Variants in PHF20L1 observed in about 807,000 individuals in gnomAD.
PHF20L1 encodes PHD finger protein 20-like protein 1.
PHF20L1 carries 44 observed loss-of-function variants against 125.5 expected under a neutral mutation model. The observed-to-expected ratio is 0.35, with a 90% CI of 0.28 to 0.45. The LOEUF (loss-of-function observed/expected upper bound fraction) is 0.45. Among genes scored for constraint, PHF20L1 ranks in the 20% least tolerant of loss-of-function variants. PHF20L1 has a pLI of 1.00. For synonymous variants in PHF20L1, 380 were observed against 403.1 expected (o/e 0.94, Z 0.69); for missense variants, 1,012 against 1,217.2 (o/e 0.83, Z 2.51).
chr8:132,812,152 T>A (rs1834465667), intron 9 of PHF20L1: 2 of 980,358 alleles, frequency 2.0e-6, no homozygotes, highest in Non-Finnish European at 2.4e-6. Context: ...GTCTTTGCCG[T>A]TATTGTCAAT....
rs1307753993 is a variant in PHF20L1 at position 132,839,574 on chromosome 8, A to G, written c.2379A>G (p.Gly793=). Residue 793 remains glycine (G), a synonymous_variant, in exon 18 of 21, where the codon GGA becomes GGG. Coordinates refer to ENST00000395386, the MANE Select transcript of PHF20L1 (RefSeq NM_016018.5). ...EVLHGLQLKI[G]ILKNKHHPDL... ...TACACGGGCTACAGCTGAAGATTGG[A>G]ATACTAAAGTAAGTGAAGGGCAGCA... 6.2e-7 allele frequency: 1 copy of G among 1,611,436 alleles called. No individual in the cohort carries two copies. Among genetic ancestry groups the G allele is most frequent in the East Asian group, 2.2e-5 (1 of 44,844 alleles).
At chr8:132,797,139 G>A (rs1439564242) in intron 4 of PHF20L1, among the ~76,000 whole-genome samples, 1 of 151,962 alleles carries the variant, frequency 6.6e-6, no homozygotes, top group Non-Finnish European at 1.5e-5. Context: ...TGAACACATA[G>A]TGAAATATTG....
At chr8:132,844,950 A>C (rs1203568449) in intron 20 of PHF20L1, among the ~76,000 whole-genome samples, 1 of 151,768 alleles carries the variant, frequency 6.6e-6, no homozygotes, top group East Asian at 1.9e-4. Context: ...CCCCAACTTT[A>C]CTTTTTTTAA....
At chr8:132,778,104 T>G (rs543812906) in intron 2 of PHF20L1, among the ~76,000 whole-genome samples, 193 bp downstream of exon 2, 2 of 152,322 alleles carry the variant, frequency 1.3e-5, no homozygotes, top group East Asian at 1.9e-4. Flanking sequence ...CTATTTTTAG[T>G]CAACTGACTA....
At chr8:132,775,830 G>A (rs547431483) in intron 1 of PHF20L1, among the ~76,000 whole-genome samples, 185 bp downstream of exon 1, 4 of 152,062 alleles carry the variant, frequency 2.6e-5, no homozygotes, top group Non-Finnish European at 4.4e-5. Context: ...CCCCTGCGGA[G>A]GGCCGGATGG....
At chr8:132,822,827 A>C (rs1001655974) in intron 12 of PHF20L1, among the ~76,000 whole-genome samples, 4 of 151,918 alleles carry the variant, frequency 2.6e-5, no homozygotes, top group Non-Finnish European at 5.9e-5. Context: ...AAATATTTGA[A>C]GTAAGATGAA....
In PHF20L1 at chr8:132,842,501, A is replaced by C; in HGVS notation, c.2388-14A>C. 1.3e-6 allele frequency: 2 copies of C among 1,552,572 alleles called. No individual in the cohort carries two copies. The highest frequency in any genetic ancestry group is 1.7e-6 in the Non-Finnish European group (2 of 1,156,480). On this transcript the variant is annotated splice_polypyrimidine_tract_variant and intron_variant, in intron 18 of 20. Coordinates refer to ENST00000395386, the MANE Select transcript of PHF20L1 (RefSeq NM_016018.5). The stretch of plus-strand genomic sequence containing the variant: ...TTTTTTTCTGAACTGCTGTTTTTCC[A>C]ACTTTGTTTTAAGGAATAAACATCA...
In PHF20L1 at chr8:132,801,229, C is replaced by A. The variant is rs16904739; in HGVS notation, c.507+2057C>A. On this transcript the variant is annotated intron_variant, in intron 6 of 20. Coordinates refer to ENST00000395386, the MANE Select transcript of PHF20L1 (RefSeq NM_016018.5). ...TGCTGATACAAAATATACGTTGTGA[C>A]TCACTAGTGTTAATGGTTGGCTTAT... 8.9e-3 allele frequency among the ~76,000 whole-genome samples: 1,354 copies of A among 151,752 alleles called. 40 individuals are homozygous for A. Among genetic ancestry groups the A allele is most frequent in the East Asian group, 0.087 (449 of 5,160 alleles).
intron 14 of PHF20L1, among the ~76,000 whole-genome samples, chr8:132,827,303 C>A (rs1836289411): frequency 1.3e-5 from 2 of 151,982 alleles, no homozygotes; most frequent in Admixed American, 1.3e-4. Flanking sequence ...TGGTATGTCA[C>A]AATACAGAAA....
rs1450704417 is a variant in PHF20L1 at position 132,814,814 on chromosome 8, C to G, written c.1108C>G (p.Leu370Val). 8 of 1,611,706 alleles carry G rather than the reference C, an allele frequency of 5.0e-6. No homozygotes were observed. In the Admixed American group the frequency reaches 1.2e-4, roughly 24 times the overall value. Residue 370 changes from leucine (L) to valine (V), a missense_variant, in exon 10 of 21, where the codon CTT becomes GTT. Transcript: ENST00000395386. ...GTGTATAAAACCCCCTAAATCACCA[C>G]TTTCCCCAGAATTAATACAAGTCGA... ...SGCIKPPKSP[L>V]SPELIQVEDL...
intron 15 of PHF20L1, among the ~76,000 whole-genome samples, chr8:132,834,541 A>G (rs1383781979): frequency 1.3e-5 from 2 of 151,956 alleles, no homozygotes; most frequent in Non-Finnish European, 2.9e-5. Flanking sequence ...GCTTTGTTGT[A>G]CAGGCTGGTT....
intron 2 of PHF20L1, among the ~76,000 whole-genome samples, chr8:132,784,367 A>G (rs908564240): frequency 2.0e-5 from 3 of 152,208 alleles, no homozygotes; most frequent in South Asian, 2.1e-4. Flanking sequence ...GCCATGAACT[A>G]TGTGATTTTG....
At chr8:132,779,275 T>A (rs1830164164) in intron 2 of PHF20L1, among the ~76,000 whole-genome samples, 1 of 152,176 alleles carries the variant, frequency 6.6e-6, no homozygotes, top group African/African-American at 2.4e-5. Context: ...ACGATCAAAA[T>A]GTCTCCAGAC....
At chr8:132,844,058 A>G in intron 19 of PHF20L1, 98 bp from the exon 20 acceptor site, 3 of 1,538,824 alleles carry the variant, frequency 1.9e-6, no homozygotes, top group Non-Finnish European at 2.6e-6. Context: ...GGATCTCACT[A>G]ACTGTTACCA....
chr8:132,818,168 G>A (rs1315549323), intron 12 of PHF20L1: 2 of 151,906 alleles, frequency 1.3e-5, no homozygotes, highest in African/African-American at 2.4e-5. Context: ...ATCTATTCAT[G>A]TTTCCCTTAT....
chr8:132,839,444 T>A lies in PHF20L1; in HGVS notation c.2249T>A (p.Met750Lys), dbSNP rs1039038031. 1 of 1,613,102 alleles carries A rather than the reference T, an allele frequency of 6.2e-7. No individual in the cohort carries two copies. The highest frequency in any genetic ancestry group is 1.3e-5 in the African/African-American group (1 of 74,850). Residue 750 changes from methionine to lysine, a missense_variant, in exon 18 of 21, where the codon ATG (methionine) becomes AAG (lysine). Physicochemically the swap from Met to Lys is moderately conservative, Grantham distance 95. Transcript: ENST00000395386. ...YDKEWLNNGR[M>K]CGLSFFKENY... ...AAGGAGTGGTTGAATAATGGGAGAA[T>A]GTGCGGGTTATCATTTTTCAAAGAA...
At chr8:132,788,152 C>A (rs1831267838) in intron 2 of PHF20L1, among the ~76,000 whole-genome samples, 1 of 152,058 alleles carries the variant, frequency 6.6e-6, no homozygotes, top group African/African-American at 2.4e-5. Flanking sequence ...CATCCTTGTT[C>A]AGATACTCTT....
intron 12 of PHF20L1, among the ~76,000 whole-genome samples, chr8:132,822,856 G>T (rs1835751632): frequency 6.6e-6 from 1 of 151,780 alleles, no homozygotes; most frequent in African/African-American, 2.4e-5. Context: ...CAGATTTTTT[G>T]ATACTGTTGT....
chr8:132,796,872 A>G (rs996407931), intron 4 of PHF20L1, among the ~76,000 whole-genome samples: 2 of 152,134 alleles, frequency 1.3e-5, no homozygotes, highest in African/African-American at 4.8e-5. Context: ...ACAAAGTGAA[A>G]TTAAACAGTC....
Sources: allele counts gnomAD v4.1 joint callset (sites outside exome capture counted in the v4.1 genomes callset), GRCh38; gene constraint gnomAD v4.1.1; transcripts MANE v1.5; gene names NCBI Gene and HGNC (gene_info 2026-07-23, HGNC 2026-07-21).